The following IQCM variants were observed in gnomAD, a reference collection of about 807,000 sequenced individuals.
The protein encoded by IQCM is IQ motif containing M, also known as IQ domain-containing protein M.
Under a neutral mutation model 57.6 loss-of-function variants are expected in IQCM, and 45 were observed. That is an observed-to-expected ratio of 0.78 (90% confidence interval 0.62 to 1.00). IQCM has a LOEUF of 1.00. IQCM is among the 50% of genes least tolerant of loss of function. The pLI is 0.00. For synonymous variants in IQCM, 148 were observed against 158.9 expected (o/e 0.93, Z 0.51); for missense variants, 468 against 511.6 (o/e 0.91, Z 0.82).
chr4:149,592,955 C>T (rs540636935), intron 8 of IQCM, among the ~76,000 whole-genome samples: 2 of 152,226 alleles, frequency 1.3e-5, no homozygotes, highest in South Asian at 2.1e-4. Context: ...TTTTTGGTTG[C>T]ATATGAACTT....
chr4:149,357,979 T>C (rs1468198972), intron 13 of IQCM, among the ~76,000 whole-genome samples: 1 of 152,102 alleles, frequency 6.6e-6, no homozygotes, highest in African/African-American at 2.4e-5. Flanking sequence ...TTTGGGAGAG[T>C]GTATGTGTCG....
At chr4:149,355,451 T>C (rs1728897387) in intron 13 of IQCM, among the ~76,000 whole-genome samples, 1 of 144,626 alleles carries the variant, frequency 6.9e-6, no homozygotes, top group Admixed American at 7.0e-5. Flanking sequence ...TGTCTATGTG[T>C]TCTCATTGTT....
intron 7 of IQCM, among the ~76,000 whole-genome samples, chr4:149,640,751 T>A (rs1758110981): frequency 6.6e-6 from 1 of 152,178 alleles, no homozygotes; most frequent in African/African-American, 2.4e-5. Flanking sequence ...AATCTTTTGA[T>A]ACAAAGACAA....
At chr4:149,560,386 G>A (rs1196746715) in intron 10 of IQCM, among the ~76,000 whole-genome samples, 1 of 151,850 alleles carries the variant, frequency 6.6e-6, no homozygotes, top group Admixed American at 6.6e-5. Flanking sequence ...CAATGTCCTG[G>A]AATTTCAACA....
intron 8 of IQCM, among the ~76,000 whole-genome samples, chr4:149,600,454 T>C (rs1173314274): frequency 2.6e-5 from 4 of 152,178 alleles, no homozygotes; most frequent in Non-Finnish European, 5.9e-5. Context: ...GCGGGAAGTT[T>C]TTAATCTATG....
rs555156249 is a variant in IQCM at position 149,779,404 on chromosome 4, T to C, written c.-49+35907A>G. Reference sequence around the variant, plus strand: ...CTACAGTGACTAAGGCTGTGTTGTATTGGCATAGACAAATAGGTCAATAAA... The same window carrying C: ...CTACAGTGACTAAGGCTGTGTTGTACTGGCATAGACAAATAGGTCAATAAA... On this transcript the variant is annotated intron_variant, in intron 2 of 13. Transcript: ENST00000636793. Among the ~76,000 whole-genome samples, 23 of 152,262 alleles carry C rather than the reference T, an allele frequency of 1.5e-4. 2 individuals are homozygous for C. Among genetic ancestry groups the C allele is most frequent in the Middle Eastern group, 6.8e-3 (2 of 294 alleles).
chr4:149,600,197 C>G (rs905031243), intron 8 of IQCM, among the ~76,000 whole-genome samples: 2 of 152,088 alleles, frequency 1.3e-5, no homozygotes, highest in Admixed American at 6.6e-5. Flanking sequence ...TTATATTCTA[C>G]GTGGCAGGTC....
At chr4:149,631,141 A>G (rs886397792) in intron 7 of IQCM, among the ~76,000 whole-genome samples, 2 of 152,180 alleles carry the variant, frequency 1.3e-5, no homozygotes, top group African/African-American at 4.8e-5. Context: ...TTTAACAAGC[A>G]TCCCAGGTAT....
At chr4:149,466,939 A>G (rs1738916933) in intron 12 of IQCM, among the ~76,000 whole-genome samples, 1 of 152,176 alleles carries the variant, frequency 6.6e-6, no homozygotes. Context: ...TTCTTTTCTA[A>G]GGGCACTAAT....
At chr4:149,368,867 CATATATACACGT>C (rs1730087380) in intron 13 of IQCM, among the ~76,000 whole-genome samples, 1 of 49,122 alleles carries the variant, frequency 2.0e-5, no homozygotes, top group Non-Finnish European at 4.1e-5. Context: ...TATATATATA[CATATATACACGT>C]GTATATATAT....
At chr4:149,406,372 A>G (rs948645649) in intron 13 of IQCM, among the ~76,000 whole-genome samples, 2 of 152,146 alleles carry the variant, frequency 1.3e-5, no homozygotes, top group African/African-American at 4.8e-5. Flanking sequence ...CTGACACTTG[A>G]AGAGAGATCT....
intron 7 of IQCM, among the ~76,000 whole-genome samples, chr4:149,663,105 T>C (rs1760371284): frequency 6.6e-6 from 1 of 152,030 alleles, no homozygotes; most frequent in Non-Finnish European, 1.5e-5. Flanking sequence ...GGAACTAACA[T>C]AAAGAGTCTT....
intron 7 of IQCM, among the ~76,000 whole-genome samples, chr4:149,648,859 G>T (rs1758895287): frequency 6.6e-6 from 1 of 151,422 alleles, no homozygotes; most frequent in South Asian, 2.1e-4. Flanking sequence ...TAACAAACCT[G>T]CACGTTGTGC....
At position 149,592,084 on chromosome 4, in the gene IQCM, G is replaced by T. The variant is rs1482292296; in HGVS notation, c.682-4087C>A. Among the ~76,000 whole-genome samples the T allele has an allele frequency of 6.6e-5, 10 of 152,258 alleles. No homozygotes were observed. The East Asian group carries it at 1.9e-3, about 29-fold the overall frequency. On this transcript the variant is annotated intron_variant, in intron 8 of 13. Coordinates refer to ENST00000636793, the MANE Select transcript of IQCM (RefSeq NM_001363507.2). Reference sequence around the variant, plus strand: ...ACAGTCCCACCAACAGTGTAAAAGTGTTCCTATTTCTCCACATCCTCTCCA... The same window carrying T: ...ACAGTCCCACCAACAGTGTAAAAGTTTTCCTATTTCTCCACATCCTCTCCA...
At chr4:149,362,175 C>T (rs554291990) in intron 13 of IQCM, among the ~76,000 whole-genome samples, 28 of 152,198 alleles carry the variant, frequency 1.8e-4, no homozygotes, top group African/African-American at 6.5e-4. Flanking sequence ...CCCATTGTAT[C>T]TAGGGAGTAA....
intron 11 of IQCM, among the ~76,000 whole-genome samples, chr4:149,551,680 T>C (rs865788798): frequency 6.6e-5 from 10 of 151,262 alleles, no homozygotes; most frequent in African/African-American, 2.4e-4. Flanking sequence ...ATGAAATCAG[T>C]ACATTCATAT....
chr4:149,545,804 A>G (rs536630096), intron 12 of IQCM, among the ~76,000 whole-genome samples: 2 of 142,126 alleles, frequency 1.4e-5, no homozygotes, highest in East Asian at 2.0e-4. Flanking sequence ...AAATGAATGG[A>G]AAAAAAAAGT....
chr4:149,397,213 T>C (rs1732290629), intron 13 of IQCM, among the ~76,000 whole-genome samples: 1 of 151,980 alleles, frequency 6.6e-6, no homozygotes, highest in Admixed American at 6.6e-5. Context: ...ACTTAACAAC[T>C]TTTTCTTTTT....
rs1749213473 is a variant in IQCM at position 149,553,289 on chromosome 4, T to G, written c.949-2A>C. 1.6e-6 allele frequency: 2 copies of G among 1,231,672 alleles called. No individual in the cohort carries two copies. Among genetic ancestry groups the G allele is most frequent in the Admixed American group, 4.2e-5 (1 of 23,698 alleles). The allele number at this position is 1,231,672 out of a possible 1,614,324, so 76.3% of individuals were successfully genotyped here. A position where few individuals can be genotyped will look rare whatever the true frequency, so the allele number is the denominator to read the frequency against. ...CATATCTGGTCCATGATCCAAAGCC[T>G]ACAAAGACAGAAAAGCTCCTTATAT... On this transcript the variant is annotated splice_acceptor_variant, in intron 10 of 13. Coordinates refer to ENST00000636793, the MANE Select transcript of IQCM (RefSeq NM_001363507.2). LOFTEE classifies it high-confidence loss of function.
Sources: allele counts gnomAD v4.1 joint callset (sites outside exome capture counted in the v4.1 genomes callset), GRCh38; gene constraint gnomAD v4.1.1; transcripts MANE v1.5; gene names NCBI Gene and HGNC (gene_info 2026-07-23, HGNC 2026-07-21).